The following FHIT variants were observed in gnomAD, a reference collection of about 807,000 sequenced individuals.
The protein encoded by FHIT is bis(5'-adenosyl)-triphosphatase.
A neutral mutation model predicts 17.9 loss-of-function variants in FHIT; 19 were observed. That is an observed-to-expected ratio of 1.06 (90% CI 0.74 to 1.56). FHIT has a LOEUF of 1.56. Ranked by LOEUF, FHIT falls within the 40% of genes most tolerant of loss-of-function variation. FHIT has a pLI of 0.00. For missense variants in FHIT, 248 were observed against 189.2 expected (o/e 1.31, Z -1.82); for synonymous variants, 81 against 69.7 (o/e 1.16, Z -0.81).
At chr3:60,026,728 GT>G (rs933252149) in intron 5 of FHIT, among the ~76,000 whole-genome samples, 28 of 152,072 alleles carry the variant, frequency 1.8e-4, no homozygotes, top group African/African-American at 6.8e-4. Flanking sequence ...GAATTTGCAA[GT>G]TTTTTTCACT....
chr3:60,018,441 G>C (rs1208004772), intron 5 of FHIT, among the ~76,000 whole-genome samples: 2 of 152,132 alleles, frequency 1.3e-5, no homozygotes, highest in Non-Finnish European at 2.9e-5. Flanking sequence ...TAGGCCTTAA[G>C]TGACCTTGAA....
In FHIT at chr3:60,438,996, T is replaced by C. The variant is rs576034253; in HGVS notation, c.103+97864A>G. Among the ~76,000 whole-genome samples, 13 of 152,284 alleles carry C rather than the reference T, an allele frequency of 8.5e-5. No homozygotes were observed. The South Asian group carries it at 1.2e-3, about 15-fold the overall frequency. On this transcript the variant is annotated intron_variant, in intron 5 of 9. Transcript: ENST00000492590. ...AAATATGCGGAAGAAAATAGAGCCA[T>C]TGCTTCCATTACTTTTTTCGAAAGA...
intron 5 of FHIT, among the ~76,000 whole-genome samples, chr3:60,083,366 T>C (rs1308183399): frequency 6.6e-6 from 1 of 152,176 alleles, no homozygotes; most frequent in Non-Finnish European, 1.5e-5. Flanking sequence ...AGCCTTATAG[T>C]ACAGTTTGAA....
chr3:60,174,054 C>T (rs1449288386), intron 5 of FHIT, among the ~76,000 whole-genome samples: 1 of 150,356 alleles, frequency 6.7e-6, no homozygotes, highest in Non-Finnish European at 1.5e-5. Context: ...GCTGGGATTG[C>T]AGGCATCTGC....
intron 8 of FHIT, among the ~76,000 whole-genome samples, chr3:59,754,161 A>AG (rs966835062): frequency 1.9e-4 from 29 of 152,018 alleles, no homozygotes; most frequent in African/African-American, 6.5e-4. Context: ...CAAAACAGTG[A>AG]GGGAACCATA....
chr3:60,044,275 T>C (rs529255284), intron 5 of FHIT, among the ~76,000 whole-genome samples: 5 of 152,228 alleles, frequency 3.3e-5, no homozygotes, highest in Non-Finnish European at 5.9e-5. Flanking sequence ...CTTTTGTGAA[T>C]TAAGACTCAA....
intron 3 of FHIT, among the ~76,000 whole-genome samples, chr3:60,840,990 T>A (rs1553744947): frequency 6.6e-6 from 1 of 152,228 alleles, no homozygotes; most frequent in Non-Finnish European, 1.5e-5. Flanking sequence ...AAAAGTTTAT[T>A]AGCTTATTAC....
At chr3:60,479,822 TA>T in intron 5 of FHIT, among the ~76,000 whole-genome samples, 1 of 152,166 alleles carries the variant, frequency 6.6e-6, no homozygotes, top group African/African-American at 2.4e-5. Context: ...ATATCTGAGG[TA>T]AAACAGTTTC....
intron 2 of FHIT, among the ~76,000 whole-genome samples, chr3:61,148,946 C>T (rs2037305616): frequency 6.6e-6 from 1 of 152,212 alleles, no homozygotes; most frequent in African/African-American, 2.4e-5. Context: ...GGGACTGCTT[C>T]TTCTGGATCT....
At chr3:60,725,354 C>T (rs564475263) in intron 4 of FHIT, among the ~76,000 whole-genome samples, 3 of 152,160 alleles carry the variant, frequency 2.0e-5, no homozygotes, top group African/African-American at 7.2e-5. Flanking sequence ...AGCTAAGAAA[C>T]CATTGCCTAA....
intron 3 of FHIT, among the ~76,000 whole-genome samples, chr3:60,839,965 A>G (rs1287410633): frequency 6.6e-6 from 1 of 152,106 alleles, no homozygotes; most frequent in African/African-American, 2.4e-5. Context: ...TTAAAACTGC[A>G]TGCCACCTTC....
At chr3:59,924,664 T>C (rs938016633) in intron 7 of FHIT, among the ~76,000 whole-genome samples, 2 of 152,240 alleles carry the variant, frequency 1.3e-5, no homozygotes, top group Admixed American at 6.5e-5. Flanking sequence ...CATTCAGGGA[T>C]TGATTTCTGC....
intron 5 of FHIT, among the ~76,000 whole-genome samples, chr3:60,498,762 G>GTAAA (rs2034404796): frequency 5.3e-5 from 8 of 151,810 alleles, no homozygotes; most frequent in Admixed American, 2.0e-4. Context: ...CTGATTCTAG[G>GTAAA]ACCTGTGAAA....
chr3:59,958,463 A>G (rs1036377958), intron 7 of FHIT, among the ~76,000 whole-genome samples: 25 of 152,184 alleles, frequency 1.6e-4, no homozygotes, highest in African/African-American at 5.8e-4. Flanking sequence ...AAAACTCTCC[A>G]TCTTACAGAC....
chr3:60,867,902 T>C (rs1333319332), intron 3 of FHIT, among the ~76,000 whole-genome samples: 2 of 152,116 alleles, frequency 1.3e-5, no homozygotes, highest in African/African-American at 4.8e-5. Flanking sequence ...GACTCATTTG[T>C]TACTGCAGCA....
intron 2 of FHIT, among the ~76,000 whole-genome samples, chr3:61,191,499 G>C (rs2038715572): frequency 6.6e-6 from 1 of 152,074 alleles, no homozygotes; most frequent in Non-Finnish European, 1.5e-5. Flanking sequence ...AATCACATAA[G>C]CCAATACCTC....
rs186928623 is a variant in FHIT, at chr3:60,280,655, G to A, written c.103+256205C>T. Among the ~76,000 whole-genome samples the A allele has an allele frequency of 2.6e-5, 4 of 152,170 alleles. No homozygotes were observed. In the East Asian group the frequency reaches 5.8e-4, roughly 22 times the overall value. On this transcript the variant is annotated intron_variant, in intron 5 of 9. Transcript: ENST00000492590. Reference sequence around the variant, plus strand: ...CCCTCCACAGCTTCTGTGGGAGTACGGCCCTGCTGACACCTAGATTTTAGA... The same window carrying A: ...CCCTCCACAGCTTCTGTGGGAGTACAGCCCTGCTGACACCTAGATTTTAGA...
intron 5 of FHIT, among the ~76,000 whole-genome samples, chr3:60,441,868 T>G (rs1370167326): frequency 7.1e-6 from 1 of 141,110 alleles, no homozygotes; most frequent in East Asian, 2.2e-4. Flanking sequence ...TTTTTTTTTT[T>G]AATTTTAAGA....
intron 5 of FHIT, among the ~76,000 whole-genome samples, chr3:60,243,315 C>T (rs868351181): frequency 1.3e-5 from 2 of 152,080 alleles, no homozygotes; most frequent in South Asian, 2.1e-4. Context: ...GATCCCCACA[C>T]TCATAAAGCT....
Sources: allele counts gnomAD v4.1 joint callset (sites outside exome capture counted in the v4.1 genomes callset), GRCh38; gene constraint gnomAD v4.1.1; transcripts MANE v1.5; gene names NCBI Gene and HGNC (gene_info 2026-07-23, HGNC 2026-07-21).